The following PALM2AKAP2 variants were observed in gnomAD, a reference collection of about 807,000 sequenced individuals.
The protein encoded by PALM2AKAP2 is PALM2-AKAP2 fusion protein.
In PALM2AKAP2, 37 loss-of-function variants were observed where a neutral mutation model predicts 71.5. The observed-to-expected ratio is 0.52, with a 90% CI of 0.40 to 0.68. The LOEUF is 0.68. Ranked by LOEUF, PALM2AKAP2 falls within the 30% of genes least tolerant of loss-of-function variation. PALM2AKAP2 has a pLI of 0.00. For synonymous variants in PALM2AKAP2, 468 were observed against 478.8 expected (o/e 0.98, Z 0.29); for missense variants, 1,224 against 1,191.8 (o/e 1.03, Z -0.40).
At chr9:110,101,397 C>G (rs1834996783) in intron 1 of PALM2AKAP2, among the ~76,000 whole-genome samples, 3 of 139,704 alleles carry the variant, frequency 2.1e-5, no homozygotes, top group African/African-American at 9.1e-5. Flanking sequence ...GAGTTAATCT[C>G]TCTCCCTCAT....
chr9:109,649,266 T>A (rs1827193577), intron 1 of PALM2AKAP2, among the ~76,000 whole-genome samples: 1 of 152,200 alleles, frequency 6.6e-6, no homozygotes, highest in Admixed American at 6.5e-5. Flanking sequence ...ATCTATTTGT[T>A]CTGTTATCTA....
At chr9:109,959,467 AC>A (rs1256857027) in intron 6 of PALM2AKAP2, among the ~76,000 whole-genome samples, 2 of 151,962 alleles carry the variant, frequency 1.3e-5, no homozygotes, top group African/African-American at 4.8e-5. Context: ...ATACAGTGAA[AC>A]CCCGTCTCTA....
intron 1 of PALM2AKAP2, among the ~76,000 whole-genome samples, chr9:109,794,941 C>A (rs1376601934): frequency 1.3e-5 from 2 of 152,216 alleles, no homozygotes; most frequent in Non-Finnish European, 2.9e-5. Flanking sequence ...TTGCTCACTG[C>A]AGATGGACAG....
chr9:109,677,566 G>A (rs1464710799), intron 1 of PALM2AKAP2, among the ~76,000 whole-genome samples: 1 of 151,882 alleles, frequency 6.6e-6, no homozygotes, highest in Non-Finnish European at 1.5e-5. Context: ...TACTCTGGAA[G>A]CTGAGGCAGG....
At position 110,006,321 on chromosome 9, in the gene PALM2AKAP2, C is replaced by T. The variant is rs201390080; in HGVS notation, c.497-9633C>T. 6.0e-3 allele frequency among the ~76,000 whole-genome samples: 368 copies of T among 61,306 alleles called. 3 individuals carry two copies. The highest frequency in any genetic ancestry group is 0.023 in the African/African-American group (355 of 15,236). 40.2% of individuals were successfully genotyped at this position (61,306 alleles called of 152,430 possible). A position where few individuals can be genotyped will look rare whatever the true frequency, so the allele number is the denominator to read the frequency against. On this transcript the variant is annotated intron_variant, in intron 6 of 9. Transcript: ENST00000302798. ...TCCTTTCCCTCCCTTTCCTTCCTTC[C>T]TTCTCTTTCTTTCTTTCTTTCTTTC...
chr9:109,978,420 C>T (rs182114796), intron 6 of PALM2AKAP2, among the ~76,000 whole-genome samples: 18 of 152,284 alleles, frequency 1.2e-4, no homozygotes, highest in Admixed American at 1.2e-3. Flanking sequence ...CATGTCTGCA[C>T]TCAAGAAGCT....
intron 1 of PALM2AKAP2, among the ~76,000 whole-genome samples, chr9:109,795,417 A>G (rs1827224826): frequency 6.6e-6 from 1 of 152,182 alleles, no homozygotes; most frequent in Admixed American, 6.5e-5. Flanking sequence ...ATCCCTCACG[A>G]CAATATTGAT....
intron 3 of PALM2AKAP2, among the ~76,000 whole-genome samples, chr9:110,161,790 G>A (rs1836605608): frequency 6.6e-6 from 1 of 152,118 alleles, no homozygotes; most frequent in South Asian, 2.1e-4. Context: ...AGCTGATTGT[G>A]TACAGAGGGG....
chr9:109,853,149 A>C (rs1402603736), intron 1 of PALM2AKAP2, among the ~76,000 whole-genome samples: 2 of 152,094 alleles, frequency 1.3e-5, no homozygotes, highest in African/African-American at 2.4e-5. Context: ...TCTGTAATGG[A>C]GGGATAATAG....
chr9:109,879,800 G>A lies in PALM2AKAP2; in HGVS notation c.127-751G>A, dbSNP rs376042286. Among the ~76,000 whole-genome samples, 40 of 151,166 alleles carry A rather than the reference G, an allele frequency of 2.6e-4. No homozygotes were observed. In the South Asian group the frequency reaches 6.7e-3, roughly 25 times the overall value. On this transcript the variant is annotated intron_variant, in intron 2 of 9. Coordinates refer to the PALM2AKAP2 transcript ENST00000302798. ...CAGCCTTGACCTACCTGGCTCAAGC[G>A]ATCCTCCCACCTCAGCCTTCCCAAG...
At chr9:110,109,356 T>TAA (rs35816224) in intron 1 of PALM2AKAP2, among the ~76,000 whole-genome samples, 51 of 125,244 alleles carry the variant, frequency 4.1e-4, no homozygotes, top group South Asian at 7.9e-4. Flanking sequence ...AAGAAACATT[T>TAA]AAAAAAAAAA....
At chr9:109,834,753 C>A (rs575356144) in intron 1 of PALM2AKAP2, among the ~76,000 whole-genome samples, 1 of 152,102 alleles carries the variant, frequency 6.6e-6, no homozygotes. Context: ...GAACAACCGA[C>A]GTTTCAGCAT....
At chr9:109,891,263 C>T (rs968951680) in intron 3 of PALM2AKAP2, among the ~76,000 whole-genome samples, 3 of 152,214 alleles carry the variant, frequency 2.0e-5, no homozygotes, top group Admixed American at 6.5e-5. Flanking sequence ...GGCTGGACTT[C>T]ACCTCCCTTT....
intron 6 of PALM2AKAP2, among the ~76,000 whole-genome samples, chr9:109,963,913 G>T (rs530674322): frequency 1.3e-5 from 2 of 152,162 alleles, no homozygotes; most frequent in Admixed American, 6.5e-5. Flanking sequence ...GGTGTGCAAG[G>T]CCTCTAGAGG....
chr9:109,672,299 G>A (rs1289030755), intron 1 of PALM2AKAP2, among the ~76,000 whole-genome samples: 1 of 152,136 alleles, frequency 6.6e-6, no homozygotes, highest in Non-Finnish European at 1.5e-5. Flanking sequence ...TTTACTGAGA[G>A]TTTTTAACGT....
At chr9:110,032,401 GA>G (rs959008853) in intron 7 of PALM2AKAP2, among the ~76,000 whole-genome samples, 8 of 147,762 alleles carry the variant, frequency 5.4e-5, no homozygotes, top group African/African-American at 1.7e-4. Context: ...TCTACTTAAA[GA>G]AAAAAAACCG....
At chr9:109,942,210 C>T (rs1831386678) in intron 6 of PALM2AKAP2, among the ~76,000 whole-genome samples, 1 of 152,202 alleles carries the variant, frequency 6.6e-6, no homozygotes, top group Admixed American at 6.5e-5. Context: ...AGCCATGACC[C>T]ACCTATGAAA....
At chr9:110,000,192 G>A (rs1478765373) in intron 6 of PALM2AKAP2, among the ~76,000 whole-genome samples, 1 of 141,020 alleles carries the variant, frequency 7.1e-6, no homozygotes, top group South Asian at 2.3e-4. Flanking sequence ...CCCCCGGTGT[G>A]TGATGTTCCC....
At chr9:109,726,001 C>A (rs760216879) in intron 1 of PALM2AKAP2, among the ~76,000 whole-genome samples, 6 of 152,126 alleles carry the variant, frequency 3.9e-5, no homozygotes, top group Non-Finnish European at 7.4e-5. Context: ...TTAATCTGCC[C>A]CCATGTTTTC....
Sources: allele counts gnomAD v4.1 joint callset (sites outside exome capture counted in the v4.1 genomes callset), GRCh38; gene constraint gnomAD v4.1.1; transcripts MANE v1.5; gene names NCBI Gene and HGNC (gene_info 2026-07-23, HGNC 2026-07-21).